KIF15: variants seen among roughly 807,000 people sequenced by gnomAD.
KIF15 encodes kinesin-like protein KIF15.
A neutral mutation model predicts 190.6 loss-of-function variants in KIF15; 140 were observed. The observed-to-expected ratio is 0.73, with a 90% confidence interval of 0.64 to 0.84. The LOEUF (loss-of-function observed/expected upper bound fraction) is 0.84. Among genes scored for constraint, KIF15 ranks in the 40% least tolerant of loss-of-function variants. KIF15 has a pLI of 0.00. For synonymous variants in KIF15, 528 were observed against 551.3 expected, an observed-to-expected ratio of 0.96 and a Z score of 0.59; for missense variants, 1,372 against 1,584.4, an observed-to-expected ratio of 0.87 and a Z score of 2.28.
chr3:44,838,815 A>G (rs893911297), intron 27 of KIF15, among the ~76,000 whole-genome samples: 4 of 151,360 alleles, frequency 2.6e-5, no homozygotes, highest in African/African-American at 7.3e-5. Flanking sequence ...ACATTCCTGC[A>G]TTGGCCAACT....
At chr3:44,775,503 T>C (rs1266459000) in intron 3 of KIF15, 66 bp downstream of exon 3, 30 of 1,192,772 alleles carry the variant, frequency 2.5e-5, no homozygotes, top group Admixed American at 2.1e-4. Context: ...GTCACCAGGC[T>C]GGAGTGCAGT....
At chr3:44,849,978 A>G (rs1331750034) in intron 32 of KIF15, among the ~76,000 whole-genome samples, 2 of 152,178 alleles carry the variant, frequency 1.3e-5, no homozygotes, top group Non-Finnish European at 2.9e-5. Context: ...TACTTCTCAA[A>G]TGAGACAGGA....
Position 44,831,051 on chromosome 3 carries a change from G to A in KIF15, c.3171+33G>A, listed in dbSNP as rs562509530. On this transcript the variant is annotated intron_variant, in intron 26 of 34. Coordinates refer to ENST00000326047, the MANE Select transcript of KIF15 (RefSeq NM_020242.3). ...TTAACGCATCACAGCTTCTTTGTTTGCCTTATTACTTGTCAATATGTGTAT... is the reference window on the plus strand; with the variant it reads ...TTAACGCATCACAGCTTCTTTGTTTACCTTATTACTTGTCAATATGTGTAT... 9 of 1,599,904 alleles carry A rather than the reference G, an allele frequency of 5.6e-6. No individual in the cohort carries two copies. The African/African-American group carries it at 9.4e-5, about 17-fold the overall frequency.
At chr3:44,839,954 GC>G (rs1698509268) in intron 27 of KIF15, among the ~76,000 whole-genome samples, 1 of 152,156 alleles carries the variant, frequency 6.6e-6, no homozygotes, top group Non-Finnish European at 1.5e-5. Flanking sequence ...TGACTCCATA[GC>G]TTGGCTATTA....
chr3:44,824,203 T>A (rs1413488212), intron 20 of KIF15, among the ~76,000 whole-genome samples: 1 of 152,218 alleles, frequency 6.6e-6, no homozygotes, highest in African/African-American at 2.4e-5. Context: ...TAAATGAACA[T>A]AGCATTTTAA....
intron 15 of KIF15, among the ~76,000 whole-genome samples, chr3:44,805,597 G>T (rs1368979315): frequency 6.6e-6 from 1 of 152,096 alleles, no homozygotes; most frequent in African/African-American, 2.4e-5. Flanking sequence ...ATCACATATG[G>T]TATAATCATG....
chr3:44,772,368 A>G (rs1705681282), intron 1 of KIF15, among the ~76,000 whole-genome samples: 1 of 152,196 alleles, frequency 6.6e-6, no homozygotes, highest in African/African-American at 2.4e-5. Context: ...ATCCATGGAG[A>G]CTTTTCTATT....
rs184866086 is a variant in KIF15, at chr3:44,852,693, C to T, written c.4125C>T (p.Ala1375=). 2.2e-3 allele frequency: 3,521 copies of T among 1,593,118 alleles called. 13 individuals carry two copies. The highest frequency in any genetic ancestry group is 0.011 in the Middle Eastern group (67 of 6,002). Residue 1375 remains alanine, a synonymous_variant, in exon 35 of 35, where the codon GCC becomes GCT. Transcript: ENST00000326047. ...RLAEETEKLR[A]ENVFLKEKKR... is the part of the protein sequence containing the mutation. Reference sequence around the variant, plus strand: ...CTTAGGAGACAGAAAAGTTGCGTGCCGAAAATGTATTTTTAAAAGAAAAGA... The same window carrying T: ...CTTAGGAGACAGAAAAGTTGCGTGCTGAAAATGTATTTTTAAAAGAAAAGA...
chr3:44,818,237 T>C (rs1708111331), intron 20 of KIF15, among the ~76,000 whole-genome samples: 1 of 152,208 alleles, frequency 6.6e-6, no homozygotes, highest in South Asian at 2.1e-4. Flanking sequence ...ACTTTATTTC[T>C]TTCTCTTGCC....
intron 26 of KIF15, among the ~76,000 whole-genome samples, chr3:44,833,561 A>G (rs1698170280): frequency 6.6e-6 from 1 of 152,060 alleles, no homozygotes; most frequent in Admixed American, 6.6e-5. Context: ...TTCTGTGAGA[A>G]TCTAATGCTG....
chr3:44,761,854 G>C lies in KIF15; in HGVS notation c.-12G>C, dbSNP rs1705155894. On this transcript the variant is annotated 5_prime_UTR_variant, in exon 1 of 35. Transcript: ENST00000326047. Reference sequence around the variant, plus strand: ...GGCTGCATTGTTTTCGGGATCGAGGGGTGAGGGCGCTATGGCACCCGGCTG... The same window carrying C: ...GGCTGCATTGTTTTCGGGATCGAGGCGTGAGGGCGCTATGGCACCCGGCTG... The C allele has an allele frequency of 9.9e-6, 16 of 1,614,172 alleles. No homozygotes were observed. The highest frequency in any genetic ancestry group is 1.1e-5 in the Non-Finnish European group (13 of 1,180,034).
At chr3:44,829,400 A>G (rs986488307) in intron 24 of KIF15, among the ~76,000 whole-genome samples, 62 of 132,094 alleles carry the variant, frequency 4.7e-4, no homozygotes, top group African/African-American at 1.6e-3. Flanking sequence ...GTGTGTGTGT[A>G]TGTATATATA....
At chr3:44,857,779 G>A (rs145203986), downstream of KIF15, among the ~76,000 whole-genome samples, 1,949 of 152,234 alleles carry the variant, frequency 0.013, 36 homozygotes, top group African/African-American at 0.043. Flanking sequence ...AGACATGATC[G>A]GCAGAGAGAG....
At chr3:44,799,187 A>G (rs1013023565) in intron 10 of KIF15, 2 of 453,820 alleles carry the variant, frequency 4.4e-6, no homozygotes, top group Non-Finnish European at 8.8e-6. Context: ...GAAGTGCAGT[A>G]GTACCTTGTA....
intron 3 of KIF15, among the ~76,000 whole-genome samples, chr3:44,775,683 C>T (rs1322960195): frequency 1.3e-5 from 2 of 151,464 alleles, no homozygotes; most frequent in African/African-American, 2.4e-5. Flanking sequence ...CTTGATCTCT[C>T]GACCTCGTGA....
chr3:44,801,272 T>G (rs927401735), intron 11 of KIF15, among the ~76,000 whole-genome samples, 178 bp from the exon 12 acceptor site: 1 of 151,510 alleles, frequency 6.6e-6, no homozygotes, highest in East Asian at 1.9e-4. Context: ...AAGAAAGATA[T>G]CCGTCTGCTT....
intron 7 of KIF15, among the ~76,000 whole-genome samples, chr3:44,787,821 A>G (rs1479184355): frequency 6.6e-6 from 1 of 151,976 alleles, no homozygotes; most frequent in East Asian, 1.9e-4. Context: ...TAGTTTCTCT[A>G]ATAATCTCTT....
intron 2 of KIF15, among the ~76,000 whole-genome samples, chr3:44,774,709 T>A (rs1206581027): frequency 6.6e-6 from 1 of 152,196 alleles, no homozygotes; most frequent in East Asian, 1.9e-4. Context: ...CTCCATGCAA[T>A]GAACACACAC....
At chr3:44,867,786 G>A (rs772237834) in intron 6 of KIF15, among the ~76,000 whole-genome samples, 2 of 152,120 alleles carry the variant, frequency 1.3e-5, no homozygotes, top group African/African-American at 2.4e-5. Flanking sequence ...TTGAGGAAAC[G>A]TTCACTGTAT....
Sources: allele counts gnomAD v4.1 joint callset (sites outside exome capture counted in the v4.1 genomes callset), GRCh38; gene constraint gnomAD v4.1.1; transcripts MANE v1.5; gene names NCBI Gene and HGNC (gene_info 2026-07-23, HGNC 2026-07-21).